LARGE1: variants seen among roughly 807,000 people sequenced by gnomAD.
LARGE1 encodes LARGE xylosyl- and glucuronyltransferase 1.
LARGE1 carries 43 observed loss-of-function variants against 87.6 expected under a neutral mutation model. The ratio of observed to expected loss-of-function variants is 0.49; its 90% CI spans 0.38 to 0.63. The LOEUF (loss-of-function observed/expected upper bound fraction) is 0.63. Ranked by LOEUF, LARGE1 falls within the 30% of genes least tolerant of loss-of-function variation. LARGE1 has a pLI of 0.00. For synonymous variants in LARGE1, 434 were observed against 394.6 expected (o/e 1.10, Z -1.18); for missense variants, 802 against 1,000.2 (o/e 0.80, Z 2.67).
At position 33,551,263 on chromosome 22, in the gene LARGE1, G is replaced by A. The variant is rs146534669; in HGVS notation, c.787+13585C>T. On this transcript the variant is annotated intron_variant, in intron 6 of 14. Coordinates refer to ENST00000397394, the MANE Select transcript of LARGE1 (RefSeq NM_133642.5). Reference sequence around the variant, plus strand: ...AATAGTGCCAACATGGAGAAACCCCGTACTAAGGCAGATTCTCCAGTCACT... The same window carrying A: ...AATAGTGCCAACATGGAGAAACCCCATACTAAGGCAGATTCTCCAGTCACT... 7.0e-4 allele frequency among the ~76,000 whole-genome samples: 107 copies of A among 152,232 alleles called. 2 individuals are homozygous for A. The East Asian group carries it at 0.018, about 25-fold the overall frequency.
the LARGE1 span, among the ~76,000 whole-genome samples, chr22:33,128,680 CAAAAAAAAAA>C: frequency 1.8e-5 from 2 of 110,318 alleles, no homozygotes; most frequent in Non-Finnish European, 3.7e-5. Context: ...GTCTCAAAAA[CAAAAAAAAAA>C]AAAAAAAGAA....
intron 2 of LARGE1, among the ~76,000 whole-genome samples, chr22:33,751,497 AC>A (rs1489704952): frequency 6.7e-6 from 1 of 149,880 alleles, no homozygotes; most frequent in African/African-American, 2.5e-5. Flanking sequence ...AAAAAAAAAA[AC>A]AAAAACAAAC....
intron 2 of LARGE1, among the ~76,000 whole-genome samples, chr22:33,749,203 C>T (rs775645911): frequency 1.9e-4 from 29 of 152,186 alleles, no homozygotes; most frequent in Non-Finnish European, 3.2e-4. Flanking sequence ...CAACCTCCGC[C>T]TCCTGGGTTC....
chr22:33,392,008 A>T (rs1601680880), intron 7 of LARGE1, among the ~76,000 whole-genome samples: 1 of 151,836 alleles, frequency 6.6e-6, no homozygotes, highest in Admixed American at 6.6e-5. Flanking sequence ...TGACCTCATG[A>T]TCCACCTGCC....
At chr22:33,860,256 T>C (rs2063875842) in intron 1 of LARGE1, among the ~76,000 whole-genome samples, 1 of 152,112 alleles carries the variant, frequency 6.6e-6, no homozygotes, top group Non-Finnish European at 1.5e-5. Flanking sequence ...CTTCCCAAAG[T>C]GTTAGGATTA....
intron 12 of LARGE1, among the ~76,000 whole-genome samples, chr22:33,285,959 GC>G (rs1376425093): frequency 6.6e-6 from 1 of 152,186 alleles, no homozygotes; most frequent in Non-Finnish European, 1.5e-5. Context: ...GTTGGGATGG[GC>G]TGGAAGTTCA....
chr22:33,708,098 G>C (rs1052827217), intron 2 of LARGE1, among the ~76,000 whole-genome samples: 35 of 152,120 alleles, frequency 2.3e-4, no homozygotes, highest in Admixed American at 1.2e-3. Flanking sequence ...AAATTCCCTT[G>C]GCCACTGTGT....
chr22:33,468,535 T>C (rs1259303766), intron 6 of LARGE1, among the ~76,000 whole-genome samples: 1 of 152,198 alleles, frequency 6.6e-6, no homozygotes, highest in Non-Finnish European at 1.5e-5. Context: ...CCATTACTTA[T>C]CAACTTCTGA....
downstream of LARGE1, among the ~76,000 whole-genome samples, chr22:33,159,651 C>T (rs1921961311): frequency 6.7e-6 from 1 of 150,016 alleles, no homozygotes; most frequent in Non-Finnish European, 1.5e-5. Flanking sequence ...GCGGCACAAT[C>T]TCGGCTCACT....
chr22:33,558,143 C>T (rs527682151), intron 6 of LARGE1, among the ~76,000 whole-genome samples: 9 of 152,236 alleles, frequency 5.9e-5, no homozygotes, highest in Admixed American at 1.3e-4. Flanking sequence ...ATGTGAGATG[C>T]GTGGAAATCT....
chr22:33,421,246 A>C (rs1024232200), intron 7 of LARGE1, among the ~76,000 whole-genome samples: 6 of 150,928 alleles, frequency 4.0e-5, no homozygotes, highest in Admixed American at 6.6e-5. Context: ...ATCAATCAAT[A>C]AAGGAGTGGG....
intron 5 of LARGE1, among the ~76,000 whole-genome samples, chr22:33,571,329 G>A (rs1332995758): frequency 6.6e-6 from 1 of 152,126 alleles, no homozygotes; most frequent in Non-Finnish European, 1.5e-5. Flanking sequence ...CATCTATGAG[G>A]CGGTGTAAGT....
At chr22:33,669,056 T>C (rs529531458) in intron 2 of LARGE1, among the ~76,000 whole-genome samples, 23 of 152,340 alleles carry the variant, frequency 1.5e-4, no homozygotes, top group Admixed American at 3.3e-4. Context: ...CCCAGGCCCA[T>C]AGAGTGGCAG....
intron 9 of LARGE1, among the ~76,000 whole-genome samples, chr22:33,348,788 T>G (rs1440560721): frequency 2.0e-5 from 3 of 151,722 alleles, no homozygotes; most frequent in Non-Finnish European, 2.9e-5. Context: ...ACCGATATGG[T>G]TTGGCTGTGT....
At chr22:33,427,436 T>TAG (rs918326354) in intron 7 of LARGE1, among the ~76,000 whole-genome samples, 2 of 152,316 alleles carry the variant, frequency 1.3e-5, no homozygotes, top group African/African-American at 4.8e-5. Context: ...TGTGGCCATG[T>TAG]AGGCTTTGGA....
At chr22:33,656,302 G>C (rs2080958763) in intron 2 of LARGE1, among the ~76,000 whole-genome samples, 1 of 152,174 alleles carries the variant, frequency 6.6e-6, no homozygotes, top group Admixed American at 6.5e-5. Context: ...CAGGCAAAAA[G>C]AGAATGAGAG....
chr22:33,228,803 A>C (rs2145647002), intron 11 of LARGE1, among the ~76,000 whole-genome samples: 1 of 152,322 alleles, frequency 6.6e-6, no homozygotes, highest in South Asian at 2.1e-4. Flanking sequence ...GGAATTTTAC[A>C]ACCACACAGT....
intron 1 of LARGE1, among the ~76,000 whole-genome samples, chr22:33,780,436 G>A (rs980803778): frequency 9.2e-6 from 1 of 108,586 alleles, no homozygotes; most frequent in Non-Finnish European, 2.2e-5. Context: ...AGCAGCCCCT[G>A]TCGAAGAGCA....
chr22:33,599,585 G>A (rs1423295069), intron 5 of LARGE1, among the ~76,000 whole-genome samples: 2 of 152,170 alleles, frequency 1.3e-5, no homozygotes, highest in African/African-American at 4.8e-5. Flanking sequence ...TCATTACAGA[G>A]AGAAGTGTAC....
Sources: gnomAD v4.1 joint callset for allele counts (sites outside exome capture counted in the v4.1 genomes callset) on GRCh38, gnomAD v4.1.1 for gene constraint, MANE v1.5 for transcripts, NCBI Gene and HGNC (gene_info 2026-07-23, HGNC 2026-07-21) for gene names.